The following SGPP2 variants were observed in gnomAD, a reference collection of about 807,000 sequenced individuals.
SGPP2 encodes the protein sphingosine-1-phosphate phosphatase 2, also known as sphingosine 1-phosphate phosphohydrolase 2.
Under a neutral mutation model 33.9 loss-of-function variants are expected in SGPP2, and 30 were observed. That is an observed-to-expected ratio of 0.89 (90% CI 0.66 to 1.20). The LOEUF is 1.20. Ranked by LOEUF, SGPP2 falls within the 50% of genes most tolerant of loss-of-function variation. The pLI is 0.00. For synonymous variants in SGPP2, 233 were observed against 225.0 expected, an observed-to-expected ratio of 1.04 and a Z score of -0.32; for missense variants, 458 against 532.1, an observed-to-expected ratio of 0.86 and a Z score of 1.37.
chr2:222,462,613 A>C (rs1697680558), intron 1 of SGPP2, among the ~76,000 whole-genome samples: 1 of 152,190 alleles, frequency 6.6e-6, no homozygotes, highest in Non-Finnish European at 1.5e-5. Flanking sequence ...TTAAAATTTA[A>C]GATTTTCGAT....
In SGPP2 at chr2:222,480,208, T is replaced by C. The variant is rs114705377; in HGVS notation, c.378+5482T>C. On this transcript the variant is annotated intron_variant, in intron 2 of 4. Transcript: ENST00000321276. ...AGGTTAGAGGCAACTTCACTGAACT[T>C]GGGAGGTATTTAGTTTTGTAACATG... is the stretch of plus-strand genomic sequence containing the variant. Among the ~76,000 whole-genome samples, 148 of 152,332 alleles carry C rather than the reference T, an allele frequency of 9.7e-4. 1 individual carries two copies. The highest frequency in any genetic ancestry group is 1.7e-3 in the Non-Finnish European group (118 of 68,024).
chr2:222,540,132 G>A (rs1464723549), intron 4 of SGPP2, among the ~76,000 whole-genome samples: 1 of 152,236 alleles, frequency 6.6e-6, no homozygotes, highest in Non-Finnish European at 1.5e-5. Flanking sequence ...CTTGAAACTA[G>A]GAGTGTTTTG....
intron 2 of SGPP2, among the ~76,000 whole-genome samples, chr2:222,489,379 G>A (rs149920098): frequency 2.0e-5 from 3 of 151,624 alleles, no homozygotes; most frequent in African/African-American, 7.3e-5. Flanking sequence ...TAGCCAGCAA[G>A]GACTGTATGT....
At chr2:222,432,122 T>G (rs372315689) in intron 1 of SGPP2, among the ~76,000 whole-genome samples, 4 of 152,348 alleles carry the variant, frequency 2.6e-5, no homozygotes, top group East Asian at 3.9e-4. Flanking sequence ...AAATCGGAAT[T>G]GGCAACTGAG....
Position 222,462,705 on chromosome 2 carries a change from T to C in SGPP2, c.220-11863T>C, listed in dbSNP as rs529484427. ...TGCATAGTAAAGGGACCACGAGGAA[T>C]GTTCCAGAGGATTGTCTGAGGGGTG... On this transcript the variant is annotated intron_variant, in intron 1 of 4. Coordinates refer to ENST00000321276, the MANE Select transcript of SGPP2 (RefSeq NM_152386.4). Among the ~76,000 whole-genome samples the C allele has an allele frequency of 9.2e-5, 14 of 152,284 alleles. 2 individuals are homozygous for C. The East Asian group carries it at 2.1e-3, about 23-fold the overall frequency.
chr2:222,458,096 C>G (rs1236068983), intron 1 of SGPP2, among the ~76,000 whole-genome samples: 1 of 152,098 alleles, frequency 6.6e-6, no homozygotes, highest in Non-Finnish European at 1.5e-5. Flanking sequence ...TGTGACTCAG[C>G]CCGAAGTGCA....
At chr2:222,508,749 T>C (rs1698482430) in intron 2 of SGPP2, among the ~76,000 whole-genome samples, 1 of 152,220 alleles carries the variant, frequency 6.6e-6, no homozygotes, top group South Asian at 2.1e-4. Flanking sequence ...CTTTGTGCTT[T>C]AGTTATTTCA....
chr2:222,442,331 T>G (rs1217050442), intron 1 of SGPP2, among the ~76,000 whole-genome samples: 2 of 152,234 alleles, frequency 1.3e-5, no homozygotes, highest in Non-Finnish European at 2.9e-5. Flanking sequence ...TTGTTGGATC[T>G]TGGTTTCTCT....
intron 1 of SGPP2, among the ~76,000 whole-genome samples, chr2:222,435,903 T>TGAA (rs1697232470): frequency 1.3e-5 from 2 of 152,228 alleles, no homozygotes; most frequent in Non-Finnish European, 2.9e-5. Flanking sequence ...CGTGGTTTTT[T>TGAA]TCCTCGTAGA....
chr2:222,483,119 C>T (rs1698054184), intron 2 of SGPP2, among the ~76,000 whole-genome samples: 1 of 152,178 alleles, frequency 6.6e-6, no homozygotes, highest in Non-Finnish European at 1.5e-5. Flanking sequence ...CTTGTGCAGA[C>T]TGAATGCTAA....
At chr2:222,545,502 G>C (rs1333780082) in intron 4 of SGPP2, among the ~76,000 whole-genome samples, 2 of 152,046 alleles carry the variant, frequency 1.3e-5, no homozygotes, top group African/African-American at 4.8e-5. Context: ...GGATGGTCTT[G>C]AACTCCTGAC....
intron 4 of SGPP2, among the ~76,000 whole-genome samples, chr2:222,538,467 C>T (rs949490067): frequency 1.3e-5 from 2 of 152,092 alleles, no homozygotes; most frequent in Non-Finnish European, 2.9e-5. Flanking sequence ...GCAAGGTGAT[C>T]CTCTCTGTTG....
chr2:222,455,302 G>A (rs1488546146), intron 1 of SGPP2, among the ~76,000 whole-genome samples: 1 of 152,146 alleles, frequency 6.6e-6, no homozygotes, highest in Non-Finnish European at 1.5e-5. Context: ...GAGCCAGGGA[G>A]GTGAGGGCTT....
intron 1 of SGPP2, among the ~76,000 whole-genome samples, chr2:222,430,272 G>C (rs1286348133): frequency 1.3e-5 from 2 of 152,106 alleles, no homozygotes; most frequent in Non-Finnish European, 2.9e-5. Flanking sequence ...AGAACATAAA[G>C]ACACGTGTCA....
In SGPP2 at chr2:222,477,246, CATGT is replaced by C. The variant is rs1697955405; in HGVS notation, c.378+2525_378+2528del. Among the ~76,000 whole-genome samples, 2 of 139,940 alleles carry C rather than the reference CATGT, an allele frequency of 1.4e-5. No individual in the cohort carries two copies. The highest frequency in any genetic ancestry group is 5.4e-5 in the African/African-American group (2 of 36,948). The allele number at this position is 139,940 out of a possible 152,430, so 91.8% of individuals were successfully genotyped here. On this transcript the variant is annotated intron_variant, in intron 2 of 4. Transcript: ENST00000321276. The surrounding 1 kb of genome is among the most constrained non-coding windows in gnomAD (Gnocchi z 6.0). Reference sequence around the variant, plus strand: ...GTTTATGTATATAGGTGTGTATATACATGTATGTGAGTATATAGGTGTATATGTA... The same window carrying C: ...GTTTATGTATATAGGTGTGTATATACATGTGAGTATATAGGTGTATATGTA...
intron 4 of SGPP2, among the ~76,000 whole-genome samples, chr2:222,557,751 G>A (rs1689439354): frequency 6.6e-6 from 1 of 152,328 alleles, no homozygotes; most frequent in South Asian, 2.1e-4. Flanking sequence ...ACTGCTCAAT[G>A]AAATTGTATG....
At chr2:222,513,600 A>C (rs921796390) in intron 2 of SGPP2, among the ~76,000 whole-genome samples, 1 of 151,938 alleles carries the variant, frequency 6.6e-6, no homozygotes, top group African/African-American at 2.4e-5. Flanking sequence ...AATTAAGTTT[A>C]GGATGTTGAG....
At chr2:222,531,017 G>A (rs529039172) in intron 4 of SGPP2, among the ~76,000 whole-genome samples, 1 of 152,268 alleles carries the variant, frequency 6.6e-6, no homozygotes, top group East Asian at 1.9e-4. Flanking sequence ...CTGGGTGACA[G>A]AATGAGATCC....
Position 222,452,596 on chromosome 2 carries a change from T to C in SGPP2, c.220-21972T>C, listed in dbSNP as rs1553535025. 12 of 1,311,114 alleles carry C rather than the reference T, an allele frequency of 9.2e-6. No individual in the cohort carries two copies. The South Asian group carries it at 1.2e-4, about 13-fold the overall frequency. 81.2% of individuals were successfully genotyped at this position (1,311,114 alleles called of 1,614,324 possible). Reference sequence around the variant, plus strand: ...TCCTCTCCACAGTTATAGAAGGGACTGTTCCAGGCCTGATTGTTCCAGAAC... The same window carrying C: ...TCCTCTCCACAGTTATAGAAGGGACCGTTCCAGGCCTGATTGTTCCAGAAC... On this transcript the variant is annotated intron_variant, in intron 1 of 4. Transcript: ENST00000321276.
Sources: gnomAD v4.1 joint callset for allele counts (sites outside exome capture counted in the v4.1 genomes callset) on GRCh38, gnomAD v4.1.1 for gene constraint, Gnocchi (gnomAD v3.1) non-coding constraint, MANE v1.5 for transcripts, NCBI Gene and HGNC (gene_info 2026-07-23, HGNC 2026-07-21) for gene names.